Variants in POR observed in about 807,000 individuals in gnomAD.
POR encodes NADPH--cytochrome P450 reductase.
POR carries 56 observed loss-of-function variants against 84.0 expected under a neutral mutation model. The ratio of observed to expected loss-of-function variants is 0.67; its 90% CI spans 0.54 to 0.83. The LOEUF (loss-of-function observed/expected upper bound fraction) is 0.83, where lower values mean the gene tolerates loss of function less well. Among genes scored for constraint, POR ranks in the 40% least tolerant of loss-of-function variants. The pLI is 0.00. For missense variants in POR, 938 were observed against 944.3 expected, an observed-to-expected ratio of 0.99 and a Z score of 0.09; for synonymous variants, 414 against 400.5, an observed-to-expected ratio of 1.03 and a Z score of -0.40.
At chr7:75,928,776 T>C (rs1554549857) in intron 1 of POR, among the ~76,000 whole-genome samples, 1 of 152,082 alleles carries the variant, frequency 6.6e-6, no homozygotes, top group African/African-American at 2.4e-5. Flanking sequence ...AGGTGTACTG[T>C]GTGATGTGGT....
At chr7:75,969,824 C>T (rs1028325907) in intron 2 of POR, among the ~76,000 whole-genome samples, 1 of 152,180 alleles carries the variant, frequency 6.6e-6, no homozygotes, top group Admixed American at 6.5e-5. Context: ...CTAGGCGTCG[C>T]GCTCATGGCA....
chr7:75,926,535 C>T (rs940372282), intron 1 of POR, among the ~76,000 whole-genome samples: 1 of 152,104 alleles, frequency 6.6e-6, no homozygotes, highest in African/African-American at 2.4e-5. Context: ...GTGGCTCACA[C>T]CTGTAATCCC....
chr7:75,979,825 C>T lies in POR; in HGVS notation c.366+246C>T, dbSNP rs41299484. 1,225 of 489,924 alleles carry T rather than the reference C, an allele frequency of 2.5e-3. 19 individuals are homozygous for T. The highest frequency in any genetic ancestry group is 0.02 in the African/African-American group (1,052 of 51,330). The allele number at this position is 489,924 out of a possible 1,614,324, so 30.3% of individuals were successfully genotyped here. A position where few individuals can be genotyped will look rare whatever the true frequency, so the allele number is the denominator to read the frequency against. Reference sequence around the variant, plus strand: ...CCAGGACTGGCCCTCCCCTGAGTGCCGGCTGCCCTCCTGGCGGCCGCCACA... The same window carrying T: ...CCAGGACTGGCCCTCCCCTGAGTGCTGGCTGCCCTCCTGGCGGCCGCCACA... On this transcript the variant is annotated intron_variant, in intron 4 of 15. Transcript: ENST00000461988.
rs1554553414 is a variant in POR at position 75,954,195 on chromosome 7, T to C, written c.188+15T>C. ...ATTCAGACATTGTAAGTGCCGCCTC[T>C]CAGCCTCCTCTCTCTGTCCCTCTTC... On this transcript the variant is annotated intron_variant, in intron 2 of 15. Transcript: ENST00000461988. 6.3e-7 allele frequency: 1 copy of C among 1,593,468 alleles called. No homozygotes were observed. Among genetic ancestry groups the C allele is most frequent in the Non-Finnish European group, 8.6e-7 (1 of 1,166,490 alleles).
At chr7:75,943,661 T>C in intron 1 of POR, 1 of 272,154 alleles carries the variant, frequency 3.7e-6, no homozygotes, top group Non-Finnish European at 7.5e-6. Flanking sequence ...CTCAACTTCT[T>C]TGAAAATGCT....
intron 2 of POR, 70 bp downstream of exon 2, chr7:75,954,250 C>G: frequency 6.9e-7 from 1 of 1,449,026 alleles, no homozygotes; most frequent in South Asian, 1.2e-5. Context: ...GTCCTGCATG[C>G]GGGCCTCAGG....
chr7:75,934,461 C>T (rs1807573043), intron 1 of POR, among the ~76,000 whole-genome samples: 3 of 152,026 alleles, frequency 2.0e-5, no homozygotes, highest in Admixed American at 2.0e-4. Flanking sequence ...GCAGGCTGGC[C>T]ATGTGACAGA....
At chr7:75,932,504 T>C (rs893114372) in intron 1 of POR, among the ~76,000 whole-genome samples, 18 of 152,162 alleles carry the variant, frequency 1.2e-4, no homozygotes, top group African/African-American at 3.9e-4. Flanking sequence ...TTAAGGAACT[T>C]ATCAGTGGCT....
chr7:75,973,844 T>C (rs1788554220), intron 3 of POR, among the ~76,000 whole-genome samples: 1 of 151,966 alleles, frequency 6.6e-6, no homozygotes, highest in Admixed American at 6.6e-5. Context: ...CGTGCCTGGC[T>C]AATTTTTGTA....
chr7:75,965,227 G>A (rs1207864574), intron 2 of POR, among the ~76,000 whole-genome samples: 3 of 152,152 alleles, frequency 2.0e-5, no homozygotes, highest in Admixed American at 6.5e-5. Context: ...AGGGCCGCTC[G>A]GCACAGATGG....
chr7:75,926,030 CTTTTT>C (rs869058308), intron 1 of POR, among the ~76,000 whole-genome samples: 1 of 114,846 alleles, frequency 8.7e-6, no homozygotes, highest in Admixed American at 8.8e-5. Context: ...TTTTCTCTCT[CTTTTT>C]TTTTTTTTTT....
At chr7:75,917,321 A>G (rs184282661) in intron 1 of POR, among the ~76,000 whole-genome samples, 1 of 147,684 alleles carries the variant, frequency 6.8e-6, no homozygotes, top group African/African-American at 2.5e-5. Context: ...TCCTGCTTTG[A>G]CCTCCTAAAG....
intron 1 of POR, among the ~76,000 whole-genome samples, chr7:75,929,811 T>C (rs1424773845): frequency 1.3e-5 from 2 of 152,176 alleles, no homozygotes; most frequent in African/African-American, 4.8e-5. Context: ...GAGCACCCCC[T>C]GTGACTCCGT....
At chr7:75,918,416 G>A (rs77365206) in intron 1 of POR, among the ~76,000 whole-genome samples, 1,556 of 152,284 alleles carry the variant, frequency 0.01, 35 homozygotes, top group African/African-American at 0.036. Flanking sequence ...CTGAGTCAGA[G>A]GTCACTTACC....
At chr7:75,963,683 G>A (rs1453685926) in intron 2 of POR, among the ~76,000 whole-genome samples, 1 of 152,178 alleles carries the variant, frequency 6.6e-6, no homozygotes, top group Non-Finnish European at 1.5e-5. Context: ...GGGATGAGAT[G>A]CCCCCACAGG....
intron 1 of POR, chr7:75,947,064 TC>T (rs1428997880): frequency 2.0e-5 from 3 of 152,244 alleles, no homozygotes; most frequent in Non-Finnish European, 2.9e-5. Flanking sequence ...CAACGTGAGA[TC>T]CTTGCTGCAT....
chr7:75,957,056 C>T (rs1233373389), intron 2 of POR, among the ~76,000 whole-genome samples: 2 of 152,322 alleles, frequency 1.3e-5, no homozygotes, highest in East Asian at 3.9e-4. Flanking sequence ...GCTTTGTGAA[C>T]TGCTTTAACC....
intron 1 of POR, among the ~76,000 whole-genome samples, chr7:75,917,379 TCTTC>T (rs1806621187): frequency 1.5e-5 from 2 of 135,682 alleles, no homozygotes; most frequent in African/African-American, 7.1e-5. Context: ...TCTTATTTCT[TCTTC>T]TTTTTTTTTT....
At chr7:75,933,810 C>T (rs1334858979) in intron 1 of POR, among the ~76,000 whole-genome samples, 1 of 152,074 alleles carries the variant, frequency 6.6e-6, no homozygotes, top group Admixed American at 6.6e-5. Context: ...CCAGATTTCC[C>T]CATTGTTAAT....
Sources: gnomAD v4.1 joint callset for allele counts (sites outside exome capture counted in the v4.1 genomes callset) on GRCh38, gnomAD v4.1.1 for gene constraint, MANE v1.5 for transcripts, NCBI Gene and HGNC (gene_info 2026-07-23, HGNC 2026-07-21) for gene names.